Variants in ZSWIM5 observed in about 807,000 individuals in gnomAD.
ZSWIM5 encodes the protein zinc finger SWIM-type containing 5, also known as zinc finger SWIM domain-containing protein 5.
A neutral mutation model predicts 119.6 loss-of-function variants in ZSWIM5; 55 were observed. The ratio of observed to expected loss-of-function variants is 0.46; its 90% confidence interval spans 0.37 to 0.58. The LOEUF (loss-of-function observed/expected upper bound fraction) is 0.58. Among genes scored for constraint, ZSWIM5 ranks in the 20% least tolerant of loss-of-function variants. The pLI is 0.00. For synonymous variants in ZSWIM5, 537 were observed against 606.9 expected (o/e 0.88, Z 1.69); for missense variants, 1,193 against 1,512.8 (o/e 0.79, Z 3.51).
intron 1 of ZSWIM5, among the ~76,000 whole-genome samples, chr1:45,154,147 C>G (rs1252580088): frequency 6.6e-6 from 1 of 152,022 alleles, no homozygotes; most frequent in African/African-American, 2.4e-5. Flanking sequence ...TGGGTAGAAT[C>G]AATATTGTGA....
chr1:45,158,106 C>G (rs1226666881), intron 1 of ZSWIM5, among the ~76,000 whole-genome samples: 1 of 152,154 alleles, frequency 6.6e-6, no homozygotes, highest in East Asian at 1.9e-4. Flanking sequence ...TCCCAAGGGA[C>G]AAGTATTTAT....
intron 2 of ZSWIM5, among the ~76,000 whole-genome samples, chr1:45,080,781 G>A (rs1645285282): frequency 6.6e-6 from 1 of 152,124 alleles, no homozygotes. Flanking sequence ...CCAGGATGCT[G>A]TACCCCAGAG....
chr1:45,111,599 A>G (rs756970500), intron 1 of ZSWIM5, among the ~76,000 whole-genome samples: 1 of 152,272 alleles, frequency 6.6e-6, no homozygotes, highest in Non-Finnish European at 1.5e-5. Context: ...TGGAGGCTCT[A>G]GGGGAAAATC....
Position 45,034,342 on chromosome 1 carries a change from G to T in ZSWIM5, c.2419C>A (p.Leu807Met). Residue 807 changes from leucine to methionine, a missense_variant, in exon 11 of 14, where the codon CTG becomes ATG. By Grantham distance (15) the Leu-to-Met change is conservative. Around this residue, in one of 2 missense-constraint regions of ZSWIM5, gnomAD observed 961 missense variants for 1,290.0 expected, o/e 0.74. Coordinates refer to ENST00000359600, the MANE Select transcript of ZSWIM5 (RefSeq NM_020883.2). ...GCAGCAGTCAGCATGGTGGAGGCCA[G>T]TTCACACTGCTGTGATTCCAAGTGT... ...LGHLESQQCE[L>M]ASTMLTAAKG... 1 of 1,612,920 alleles carries T rather than the reference G, an allele frequency of 6.2e-7. No individual in the cohort carries two copies. Among genetic ancestry groups the T allele is most frequent in the South Asian group, 1.1e-5 (1 of 90,924 alleles).
At position 45,070,385 on chromosome 1, in the gene ZSWIM5, A is replaced by G. The variant is rs1570056306; in HGVS notation, c.953-10138T>C. On this transcript the variant is annotated intron_variant, in intron 2 of 13. Coordinates refer to ENST00000359600, the MANE Select transcript of ZSWIM5 (RefSeq NM_020883.2). ...AGGGTGGCTTCTTCAGCTTCAGGTT[A>G]GGACATTCGAGCACAAAGAACGGGA... 10 of 1,425,446 alleles carry G rather than the reference A, an allele frequency of 7.0e-6. No homozygotes were observed. In the East Asian group the frequency reaches 1.6e-4, roughly 23 times the overall value. 88.3% of individuals were successfully genotyped at this position (1,425,446 alleles called of 1,614,324 possible). A position where few individuals can be genotyped will look rare whatever the true frequency, so the allele number is the denominator to read the frequency against.
At chr1:45,116,334 C>T (rs1160949408) in intron 1 of ZSWIM5, among the ~76,000 whole-genome samples, 1 of 152,172 alleles carries the variant, frequency 6.6e-6, no homozygotes, top group African/African-American at 2.4e-5. Flanking sequence ...CCTGAGCTAT[C>T]GATACGGTTG....
chr1:45,162,084 T>C (rs1048064165), intron 1 of ZSWIM5, among the ~76,000 whole-genome samples: 4 of 152,242 alleles, frequency 2.6e-5, no homozygotes, highest in Non-Finnish European at 5.9e-5. Flanking sequence ...ATGATCCATA[T>C]GAAAATTAAA....
chr1:45,103,754 T>C (rs180943227), intron 1 of ZSWIM5, among the ~76,000 whole-genome samples: 1 of 152,234 alleles, frequency 6.6e-6, no homozygotes, highest in African/African-American at 2.4e-5. Context: ...TATCAGGACA[T>C]GAGTGAATCA....
In ZSWIM5 at chr1:45,018,258, G is replaced by T; in HGVS notation, c.*196C>A. 1 of 674,844 alleles carries T rather than the reference G, an allele frequency of 1.5e-6. No homozygotes were observed. Among genetic ancestry groups the T allele is most frequent in the Non-Finnish European group, 2.5e-6 (1 of 408,086 alleles). The allele number at this position is 674,844 out of a possible 1,614,324, so 41.8% of individuals were successfully genotyped here. A position where few individuals can be genotyped will look rare whatever the true frequency, so the allele number is the denominator to read the frequency against. On this transcript the variant is annotated 3_prime_UTR_variant, in exon 14 of 14. Transcript: ENST00000359600. This position sits in a 1 kb window ranked among gnomAD's most constrained non-coding sequence, Gnocchi z 6.7. ...GGGCCCAGCTCCTCCATGAACAGTAGGCTGTAGTCAGAAGCTTGCCAAGGT... is the reference window on the plus strand; with the variant it reads ...GGGCCCAGCTCCTCCATGAACAGTATGCTGTAGTCAGAAGCTTGCCAAGGT...
chr1:45,113,498 C>T (rs1645529854), intron 1 of ZSWIM5, among the ~76,000 whole-genome samples: 1 of 152,106 alleles, frequency 6.6e-6, no homozygotes, highest in African/African-American at 2.4e-5. Context: ...GCCAATGCAC[C>T]AGGCTAAAAG....
chr1:45,034,613 C>CT, intron 10 of ZSWIM5, 144 bp from the exon 11 acceptor site: 1 of 903,144 alleles, frequency 1.1e-6, no homozygotes, highest in East Asian at 2.7e-5. Context: ...ACCTATGGTA[C>CT]TATACACTAT....
At chr1:45,026,767 C>G (rs894917210) in intron 11 of ZSWIM5, among the ~76,000 whole-genome samples, 2 of 152,082 alleles carry the variant, frequency 1.3e-5, no homozygotes, top group African/African-American at 4.8e-5. Context: ...CTTCTATTTT[C>G]TGGAAGAGAC....
intron 1 of ZSWIM5, among the ~76,000 whole-genome samples, chr1:45,106,125 T>C (rs141862131): frequency 0.057 from 5,542 of 97,710 alleles, 220 homozygotes; most frequent in African/African-American, 0.063. Context: ...TCTGTCCGGC[T>C]GCCCCGTCTG....
chr1:45,114,438 T>C (rs997659796), intron 1 of ZSWIM5, among the ~76,000 whole-genome samples: 5 of 152,154 alleles, frequency 3.3e-5, no homozygotes, highest in African/African-American at 1.2e-4. Context: ...ATAATTATCA[T>C]AAATGCACAT....
intron 1 of ZSWIM5, among the ~76,000 whole-genome samples, chr1:45,196,000 C>T (rs527588482): frequency 6.7e-6 from 1 of 148,720 alleles, no homozygotes; most frequent in African/African-American, 2.5e-5. Context: ...CCCAAGTAGC[C>T]GGGACTACAG....
chr1:45,045,736 A>G (rs1645049796), intron 5 of ZSWIM5, among the ~76,000 whole-genome samples: 1 of 152,182 alleles, frequency 6.6e-6, no homozygotes, highest in African/African-American at 2.4e-5. Context: ...TCTGCCTACT[A>G]TACAGTAGGT....
At chr1:45,107,760 G>T (rs1421545287) in intron 1 of ZSWIM5, among the ~76,000 whole-genome samples, 2 of 151,626 alleles carry the variant, frequency 1.3e-5, no homozygotes, top group Non-Finnish European at 2.9e-5. Context: ...ATTCAGAACT[G>T]CAGATCAGAT....
intron 1 of ZSWIM5, among the ~76,000 whole-genome samples, chr1:45,166,822 G>T (rs1474518987): frequency 6.6e-6 from 1 of 151,956 alleles, no homozygotes; most frequent in African/African-American, 2.4e-5. Context: ...AAATAAAAAA[G>T]GACACAAACA....
At chr1:45,135,946 T>C (rs189103902) in intron 1 of ZSWIM5, among the ~76,000 whole-genome samples, 2 of 152,090 alleles carry the variant, frequency 1.3e-5, no homozygotes, top group Non-Finnish European at 1.5e-5. Flanking sequence ...CTGCAACCTC[T>C]ACCTCCCAGA....
Sources: allele counts gnomAD v4.1 joint callset (sites outside exome capture counted in the v4.1 genomes callset), GRCh38; gene constraint gnomAD v4.1.1; regional missense constraint gnomAD v4.1.1; non-coding constraint Gnocchi (gnomAD v3.1); transcripts MANE v1.5; gene names NCBI Gene and HGNC (gene_info 2026-07-23, HGNC 2026-07-21).